ACBD6: variants seen among roughly 807,000 people sequenced by gnomAD.
The protein encoded by ACBD6 is acyl-CoA binding domain containing 6.
A neutral mutation model predicts 37.2 loss-of-function variants in ACBD6; 28 were observed. That is an observed-to-expected ratio of 0.75 (90% CI 0.56 to 1.03). The LOEUF is 1.03. ACBD6 is among the 50% of genes least tolerant of loss of function. The pLI is 0.00. For synonymous variants in ACBD6, 113 were observed against 126.8 expected, an observed-to-expected ratio of 0.89 and a Z score of 0.73; for missense variants, 340 against 337.4, an observed-to-expected ratio of 1.01 and a Z score of -0.06.
intron 7 of ACBD6, among the ~76,000 whole-genome samples, chr1:180,294,051 C>T (rs1211200138): frequency 6.6e-6 from 1 of 152,042 alleles, no homozygotes. Flanking sequence ...CGCACCACCA[C>T]ATCTGGCTAA....
At chr1:180,286,058 A>T (rs1459240478), downstream of ACBD6, among the ~76,000 whole-genome samples, 1 of 152,204 alleles carries the variant, frequency 6.6e-6, no homozygotes, top group Non-Finnish European at 1.5e-5. Flanking sequence ...AATTCTAAAT[A>T]TACAAAATAC....
intron 4 of ACBD6, among the ~76,000 whole-genome samples, chr1:180,426,904 G>A (rs1055391687): frequency 6.6e-6 from 1 of 152,098 alleles, no homozygotes; most frequent in African/African-American, 2.4e-5. Context: ...GAATGCCAGC[G>A]GTTTGGCTCC....
chr1:180,298,309 T>C (rs1232518567), intron 7 of ACBD6, among the ~76,000 whole-genome samples: 1 of 152,216 alleles, frequency 6.6e-6, no homozygotes, highest in African/African-American at 2.4e-5. Context: ...TTTAGCAGTA[T>C]CATGGGAATA....
At chr1:180,488,500 C>G (rs1367918956) in intron 3 of ACBD6, among the ~76,000 whole-genome samples, 1 of 151,926 alleles carries the variant, frequency 6.6e-6, no homozygotes, top group African/African-American at 2.4e-5. Context: ...AGCTGTAGAA[C>G]AGATAGCAGA....
At chr1:180,495,821 A>G (rs1019082859) in intron 1 of ACBD6, among the ~76,000 whole-genome samples, 1 of 152,204 alleles carries the variant, frequency 6.6e-6, no homozygotes, top group African/African-American at 2.4e-5. Context: ...TATATAAGAC[A>G]AGTTATCAAT....
In ACBD6 at chr1:180,442,062, G is replaced by C. The variant is rs375655070; in HGVS notation, c.385-11800C>G. Among the ~76,000 whole-genome samples the C allele has an allele frequency of 8.6e-4, 131 of 152,244 alleles. 5 individuals carry two copies. The South Asian group carries it at 0.026, about 31-fold the overall frequency. On this transcript the variant is annotated intron_variant, in intron 3 of 7. Coordinates refer to ENST00000367595, the MANE Select transcript of ACBD6 (RefSeq NM_032360.4). ...TAACTGAGTATAGAATTACAGGTTG[G>C]TCGTCTTTTCCTTTTGTTGTCAACC...
intron 4 of ACBD6, among the ~76,000 whole-genome samples, chr1:180,420,063 T>C (rs909022599): frequency 6.6e-6 from 1 of 152,238 alleles, no homozygotes; most frequent in African/African-American, 2.4e-5. Context: ...TGCAAGACTG[T>C]CTAATGTCAA....
chr1:180,271,680 GC>G, exon 14 of ACBD6: 1 of 1,304,650 alleles, frequency 7.7e-7, no homozygotes, highest in Non-Finnish European at 1.1e-6. Flanking sequence ...GAGTTCTGAG[GC>G]CCACCTGGGG....
At chr1:180,490,330 T>C (rs1466921116) in intron 3 of ACBD6, among the ~76,000 whole-genome samples, 1 of 152,054 alleles carries the variant, frequency 6.6e-6, no homozygotes, top group Non-Finnish European at 1.5e-5. Flanking sequence ...AAATAGAAAA[T>C]TTCTGAAAAT....
intron 6 of ACBD6, among the ~76,000 whole-genome samples, chr1:180,389,037 G>A (rs1445763775): frequency 3.9e-5 from 6 of 152,060 alleles, no homozygotes; most frequent in African/African-American, 1.2e-4. Flanking sequence ...AAGTTTTAGG[G>A]TACATGTGCA....
At chr1:180,415,719 A>G (rs557573277) in intron 4 of ACBD6, among the ~76,000 whole-genome samples, 5 of 152,346 alleles carry the variant, frequency 3.3e-5, no homozygotes, top group Non-Finnish European at 5.9e-5. Context: ...TTCACAGATG[A>G]GAGGACCTTT....
At chr1:180,407,481 T>C (rs1647672265) in intron 5 of ACBD6, among the ~76,000 whole-genome samples, 1 of 152,238 alleles carries the variant, frequency 6.6e-6, no homozygotes, top group Admixed American at 6.5e-5. Flanking sequence ...CCCCTATCAC[T>C]GTTGTCCATC....
At chr1:180,285,007 G>C (rs1198838458), downstream of ACBD6, among the ~76,000 whole-genome samples, 1 of 152,066 alleles carries the variant, frequency 6.6e-6, no homozygotes, top group Non-Finnish European at 1.5e-5. Flanking sequence ...CTCGTGGTGT[G>C]CACCTGTGGT....
At chr1:180,379,825 G>A (rs577176990) in intron 6 of ACBD6, among the ~76,000 whole-genome samples, 1 of 152,196 alleles carries the variant, frequency 6.6e-6, no homozygotes, top group South Asian at 2.1e-4. Flanking sequence ...GAAAACAAAA[G>A]GTTAGAAAAA....
At chr1:180,486,452 C>G (rs1319990541) in intron 3 of ACBD6, among the ~76,000 whole-genome samples, 1 of 152,204 alleles carries the variant, frequency 6.6e-6, no homozygotes, top group Admixed American at 6.5e-5. Flanking sequence ...AACAGGCTAA[C>G]TTACCAGGTT....
chr1:180,402,844 A>G (rs2101959301), intron 5 of ACBD6, among the ~76,000 whole-genome samples: 1 of 152,196 alleles, frequency 6.6e-6, no homozygotes, highest in African/African-American at 2.4e-5. Context: ...CTAAGCTATA[A>G]TGTCAGTGAC....
intron 6 of ACBD6, among the ~76,000 whole-genome samples, chr1:180,328,865 G>A (rs1651363218): frequency 2.6e-5 from 4 of 151,954 alleles, no homozygotes; most frequent in Admixed American, 1.3e-4. Flanking sequence ...TATAAGTTAA[G>A]CTTTCAGCTG....
exon 14 of ACBD6, chr1:180,271,953 A>G (rs772800918): frequency 1.2e-6 from 2 of 1,613,156 alleles, no homozygotes; most frequent in African/African-American, 2.7e-5. Context: ...AAGCAGGAGA[A>G]GGAGAGCTCT....
intron 6 of ACBD6, among the ~76,000 whole-genome samples, chr1:180,385,299 C>G (rs1320177353): frequency 2.0e-5 from 3 of 150,598 alleles, no homozygotes; most frequent in Non-Finnish European, 4.4e-5. Context: ...AAACAGAAAA[C>G]AAATAGCAAG....
Sources: allele counts gnomAD v4.1 joint callset (sites outside exome capture counted in the v4.1 genomes callset), GRCh38; gene constraint gnomAD v4.1.1; transcripts MANE v1.5; gene names NCBI Gene and HGNC (gene_info 2026-07-23, HGNC 2026-07-21).